Variants in GMDS observed in about 807,000 individuals in gnomAD.
GMDS encodes GDP-mannose 4,6-dehydratase.
Under a neutral mutation model 49.9 loss-of-function variants are expected in GMDS, and 20 were observed. The observed-to-expected ratio is 0.40, with a 90% CI of 0.28 to 0.58. The LOEUF is 0.58. Ranked by LOEUF, GMDS falls within the 20% of genes least tolerant of loss-of-function variation. The probability of loss-of-function intolerance (pLI) is 0.42; values close to 1 mark genes in which losing one functional copy is unlikely to be tolerated. For missense variants in GMDS, 362 were observed against 481.4 expected, an observed-to-expected ratio of 0.75 and a Z score of 2.32; for synonymous variants, 177 against 178.6, an observed-to-expected ratio of 0.99 and a Z score of 0.07.
At chr6:1,687,651 G>A (rs766781462) in intron 9 of GMDS, among the ~76,000 whole-genome samples, 3 of 152,132 alleles carry the variant, frequency 2.0e-5, no homozygotes, top group Middle Eastern at 3.2e-3. Context: ...CCATTCTAGC[G>A]GGAGGAGAGA....
intron 4 of GMDS, among the ~76,000 whole-genome samples, chr6:2,068,903 A>G (rs1043310386): frequency 2.0e-5 from 3 of 152,140 alleles, no homozygotes; most frequent in Non-Finnish European, 4.4e-5. Context: ...CTTCACAGAA[A>G]TGGAAAAAAC....
chr6:2,061,414 C>T (rs76025592), intron 4 of GMDS, among the ~76,000 whole-genome samples: 1 of 152,150 alleles, frequency 6.6e-6, no homozygotes, highest in African/African-American at 2.4e-5. Context: ...GTATGAAAAT[C>T]AGTATTAAAG....
chr6:2,177,609 T>C (rs1369806110), intron 1 of GMDS, among the ~76,000 whole-genome samples: 2 of 152,088 alleles, frequency 1.3e-5, no homozygotes, highest in Non-Finnish European at 2.9e-5. Flanking sequence ...ATCATCTCAA[T>C]AGACACAGAA....
intron 1 of GMDS, among the ~76,000 whole-genome samples, chr6:2,244,678 A>C (rs1781777289): frequency 6.6e-6 from 1 of 152,208 alleles, no homozygotes; most frequent in Non-Finnish European, 1.5e-5. Context: ...GCACTTTTGG[A>C]CCAGTGTGCC....
At chr6:1,793,636 G>C (rs1015581750) in intron 7 of GMDS, among the ~76,000 whole-genome samples, 1 of 152,182 alleles carries the variant, frequency 6.6e-6, no homozygotes, top group Admixed American at 6.5e-5. Flanking sequence ...TGTGAAGGCA[G>C]CTCATCTTCC....
chr6:1,801,752 T>C (rs961885854), intron 7 of GMDS, among the ~76,000 whole-genome samples: 2 of 152,212 alleles, frequency 1.3e-5, no homozygotes, highest in Non-Finnish European at 2.9e-5. Flanking sequence ...CAGAGGGCCA[T>C]AGAGGGTAGA....
chr6:1,988,077 T>G (rs1432154891), intron 4 of GMDS, among the ~76,000 whole-genome samples: 1 of 152,182 alleles, frequency 6.6e-6, no homozygotes, highest in East Asian at 1.9e-4. Context: ...ATATGCATTC[T>G]TTACTATTTT....
At chr6:1,820,457 G>T (rs1167122059) in intron 7 of GMDS, among the ~76,000 whole-genome samples, 4 of 152,100 alleles carry the variant, frequency 2.6e-5, no homozygotes, top group African/African-American at 9.7e-5. Context: ...TTCGGTCTGG[G>T]TATCTGACTA....
Position 1,623,972 on chromosome 6 carries a change from A to G in GMDS, c.*197T>C. Reference sequence around the variant, plus strand: ...GCTTCGACAAACGCAAAGCGACCCAAACCCTGGAGGGTCACATCCCGGCTG... The same window carrying G: ...GCTTCGACAAACGCAAAGCGACCCAGACCCTGGAGGGTCACATCCCGGCTG... On this transcript the variant is annotated 3_prime_UTR_variant, in exon 11 of 11. Coordinates refer to ENST00000380815, the MANE Select transcript of GMDS (RefSeq NM_001500.4). 1 of 546,350 alleles carries G rather than the reference A, an allele frequency of 1.8e-6. No homozygotes were observed. 33.8% of individuals were successfully genotyped at this position (546,350 alleles called of 1,614,324 possible). A position where few individuals can be genotyped will look rare whatever the true frequency, so the allele number is the denominator to read the frequency against.
intron 9 of GMDS, among the ~76,000 whole-genome samples, chr6:1,637,501 A>C (rs1396037281): frequency 6.6e-6 from 1 of 152,216 alleles, no homozygotes; most frequent in Non-Finnish European, 1.5e-5. Flanking sequence ...CTGGGTGCTT[A>C]TGCTCTCTCG....
At chr6:1,976,588 T>A (rs1331117245) in intron 4 of GMDS, among the ~76,000 whole-genome samples, 1 of 152,182 alleles carries the variant, frequency 6.6e-6, no homozygotes, top group African/African-American at 2.4e-5. Context: ...ATAATTTCAA[T>A]AATAACAATG....
At chr6:1,642,747 G>C (rs1422950029) in intron 9 of GMDS, among the ~76,000 whole-genome samples, 2 of 152,206 alleles carry the variant, frequency 1.3e-5, no homozygotes, top group Non-Finnish European at 2.9e-5. Flanking sequence ...TAGCACAGGT[G>C]GGCAGCTGTG....
At chr6:2,138,956 C>G (rs2127525943) in intron 1 of GMDS, among the ~76,000 whole-genome samples, 1 of 152,282 alleles carries the variant, frequency 6.6e-6, no homozygotes, top group African/African-American at 2.4e-5. Context: ...TATCTGTACT[C>G]ACTCCGCAAC....
chr6:2,173,471 A>T (rs1182377589), intron 1 of GMDS, among the ~76,000 whole-genome samples: 5 of 152,226 alleles, frequency 3.3e-5, no homozygotes, highest in Admixed American at 6.5e-5. Flanking sequence ...GAGGGCAGCA[A>T]GGCAGAGAAA....
At chr6:2,168,521 A>G (rs1239980177) in intron 1 of GMDS, among the ~76,000 whole-genome samples, 1 of 152,226 alleles carries the variant, frequency 6.6e-6, no homozygotes, top group Admixed American at 6.5e-5. Context: ...TAAATAACTA[A>G]GACAGTGTAT....
chr6:2,162,237 T>G (rs1581732113), intron 1 of GMDS, among the ~76,000 whole-genome samples: 1 of 152,174 alleles, frequency 6.6e-6, no homozygotes, highest in South Asian at 2.1e-4. Context: ...TAGGTTCTAA[T>G]CATGCTTCTG....
chr6:2,054,119 T>C (rs2127440041), intron 4 of GMDS, among the ~76,000 whole-genome samples: 1 of 152,244 alleles, frequency 6.6e-6, no homozygotes, highest in Non-Finnish European at 1.5e-5. Context: ...AAACCTCCAC[T>C]GCAGGGTGTT....
chr6:1,850,297 A>C (rs1207109432), intron 7 of GMDS, among the ~76,000 whole-genome samples: 2 of 152,218 alleles, frequency 1.3e-5, no homozygotes, highest in Non-Finnish European at 2.9e-5. Flanking sequence ...TGCTCATTAG[A>C]AACTCATTAT....
intron 7 of GMDS, among the ~76,000 whole-genome samples, chr6:1,776,035 C>T (rs183783738): frequency 1.3e-5 from 2 of 152,264 alleles, no homozygotes; most frequent in East Asian, 1.9e-4. Context: ...ACTAGCACAA[C>T]CTCTGCACTG....
Sources: allele counts gnomAD v4.1 joint callset (sites outside exome capture counted in the v4.1 genomes callset), GRCh38; gene constraint gnomAD v4.1.1; transcripts MANE v1.5; gene names NCBI Gene and HGNC (gene_info 2026-07-23, HGNC 2026-07-21).